The following NUBPL variants were observed in gnomAD, a reference collection of about 807,000 sequenced individuals.
The protein encoded by NUBPL is NUBP iron-sulfur cluster assembly factor, mitochondrial, also known as iron-sulfur cluster transfer protein NUBPL.
In NUBPL, 31 loss-of-function variants were observed where a neutral mutation model predicts 45.7. That is an observed-to-expected ratio of 0.68 (90% CI 0.51 to 0.92). The LOEUF (loss-of-function observed/expected upper bound fraction) is 0.92. NUBPL is among the 40% of genes least tolerant of loss of function. NUBPL has a pLI of 0.00. For missense variants in NUBPL, 401 were observed against 398.7 expected, an observed-to-expected ratio of 1.01 and a Z score of -0.05; for synonymous variants, 144 against 140.9, an observed-to-expected ratio of 1.02 and a Z score of -0.15.
At chr14:31,663,923 T>C (rs2036336511) in intron 4 of NUBPL, among the ~76,000 whole-genome samples, 2 of 152,146 alleles carry the variant, frequency 1.3e-5, no homozygotes, top group Admixed American at 1.3e-4. Flanking sequence ...TGAACAGTGG[T>C]TTGTAGTTCT....
Position 31,792,417 on chromosome 14 carries a change from T to A in NUBPL, c.607+4544T>A, listed in dbSNP as rs532375997. 2.0e-3 allele frequency among the ~76,000 whole-genome samples: 303 copies of A among 152,240 alleles called. 1 individual carries two copies. The highest frequency in any genetic ancestry group is 7.0e-3 in the African/African-American group (289 of 41,550). On this transcript the variant is annotated intron_variant, in intron 7 of 10. Coordinates refer to ENST00000281081, the MANE Select transcript of NUBPL (RefSeq NM_025152.3). ...ATTCTGGAAGTAGTCTAGAAGCAGT[T>A]TTCTTCATCTTTTAGGAGTATAGCC... is the stretch of plus-strand genomic sequence containing the variant.
At chr14:31,757,693 A>G (rs535376995) in intron 6 of NUBPL, among the ~76,000 whole-genome samples, 130 of 152,282 alleles carry the variant, frequency 8.5e-4, no homozygotes, top group African/African-American at 3.1e-3. Context: ...ATAGTACATG[A>G]GGGTTCATGT....
intron 4 of NUBPL, among the ~76,000 whole-genome samples, chr14:31,648,687 TGTGAACGAAGGAA>T (rs1205845014): frequency 1.3e-5 from 2 of 152,238 alleles, no homozygotes; most frequent in Non-Finnish European, 2.9e-5. Flanking sequence ...CACATTTGGT[TGTGAACGAAGGAA>T]AACCCAATGA....
intron 4 of NUBPL, among the ~76,000 whole-genome samples, chr14:31,622,453 G>A (rs1290335930): frequency 7.2e-5 from 11 of 152,014 alleles, no homozygotes; most frequent in Admixed American, 7.2e-4. Flanking sequence ...ACAATGGGGA[G>A]AATTTCTCCA....
At chr14:31,606,010 T>G (rs1420517685) in intron 4 of NUBPL, among the ~76,000 whole-genome samples, 8 of 148,046 alleles carry the variant, frequency 5.4e-5, no homozygotes, top group Admixed American at 5.4e-4. Flanking sequence ...CCTTCTTCCT[T>G]TTCTCCTCCC....
intron 6 of NUBPL, among the ~76,000 whole-genome samples, chr14:31,677,005 T>G (rs2036715616): frequency 6.6e-6 from 1 of 151,926 alleles, no homozygotes; most frequent in Non-Finnish European, 1.5e-5. Flanking sequence ...ATGATAAGAA[T>G]GTATTTATTT....
At position 31,859,129 on chromosome 14, in the gene NUBPL, C is replaced by G. The variant is rs2040672011; in HGVS notation, c.909C>G (p.Tyr303Ter). 2 of 1,613,678 alleles carry G rather than the reference C, an allele frequency of 1.2e-6. No individual in the cohort carries two copies. The highest frequency in any genetic ancestry group is 1.7e-6 in the Non-Finnish European group (2 of 1,179,824). The change falls in exon 11 of 11, where the codon TAC becomes TAG. Residue 303 changes from tyrosine (Y) to a stop codon, truncating the protein, a stop_gained. Transcript: ENST00000281081. LOFTEE classifies it high-confidence loss of function. ...TTGTTCTTTTCCAGGCCAAAGCTTA[C>G]TTGAGGATTGCTGTGGAAGTGGTAA... Reference protein sequence around the residue: ...SQPESDEAKAYLRIAVEVVRR... With the variant: ...SQPESDEAKA
chr14:31,640,134 C>T (rs753960858), intron 4 of NUBPL, among the ~76,000 whole-genome samples: 7 of 152,168 alleles, frequency 4.6e-5, no homozygotes, highest in African/African-American at 7.2e-5. Flanking sequence ...GAGATGAACC[C>T]GGTACCTCAG....
intron 4 of NUBPL, among the ~76,000 whole-genome samples, chr14:31,670,374 C>A (rs968509362): frequency 6.6e-6 from 1 of 152,136 alleles, no homozygotes. Context: ...TGATATCGGA[C>A]CTTTGTCAGA....
In NUBPL at chr14:31,565,043, G is replaced by A. The variant is rs886050449; in HGVS notation, c.286G>A (p.Asp96Asn). ...TCTTGCACTTGCACTAGCAGCGAAC[G>A]ATTCGGTAGGTGTTTATTAATAGAA... ...VNLALALAAN[D>N]SSKAIGLLDV... Residue 96 changes from aspartate (D) to asparagine (N), a missense_variant, in exon 3 of 11, where the codon GAT becomes AAT. Transcript: ENST00000281081. 12 of 1,538,376 alleles carry A rather than the reference G, an allele frequency of 7.8e-6. No homozygotes were observed. The highest frequency in any genetic ancestry group is 2.4e-5 in the South Asian group (2 of 82,164).
intron 3 of NUBPL, among the ~76,000 whole-genome samples, chr14:31,575,853 G>A (rs2033703363): frequency 6.6e-6 from 1 of 152,168 alleles, no homozygotes; most frequent in East Asian, 1.9e-4. Context: ...TTATTTTAAA[G>A]CTAGAGCAGA....
intron 6 of NUBPL, among the ~76,000 whole-genome samples, chr14:31,749,167 A>G (rs1220862104): frequency 6.6e-6 from 1 of 151,944 alleles, no homozygotes; most frequent in Non-Finnish European, 1.5e-5. Flanking sequence ...TATATTATTG[A>G]TTGTTTTTTG....
chr14:31,815,732 G>GT (rs34295540), intron 7 of NUBPL, among the ~76,000 whole-genome samples: 53,554 of 151,902 alleles, frequency 0.35, 10,153 homozygotes, highest in South Asian at 0.44. Context: ...TTTATTGAGC[G>GT]TTTTTAGCAT....
chr14:31,740,992 A>G (rs540983464), intron 6 of NUBPL, among the ~76,000 whole-genome samples: 2 of 152,140 alleles, frequency 1.3e-5, no homozygotes, highest in South Asian at 4.1e-4. Context: ...ATCTGTTTAC[A>G]TTATCTGTTG....
rs577114897 is a variant in NUBPL, at chr14:31,828,815, T to C, written c.693+2101T>C. On this transcript the variant is annotated intron_variant, in intron 8 of 10. Transcript: ENST00000281081. The stretch of plus-strand genomic sequence containing the variant: ...CTTAATCTCATACTGTTCTGACAGA[T>C]TTTTTCCTAAATTCTAAGACAGAGG... Among the ~76,000 whole-genome samples the C allele has an allele frequency of 5.3e-5, 8 of 152,280 alleles. No individual in the cohort carries two copies. In the South Asian group the frequency reaches 1.7e-3, roughly 32 times the overall value.
intron 3 of NUBPL, among the ~76,000 whole-genome samples, chr14:31,593,871 A>G (rs1595338146): frequency 6.6e-6 from 1 of 152,178 alleles, no homozygotes; most frequent in Non-Finnish European, 1.5e-5. Flanking sequence ...TGTGTTTAAG[A>G]AGCTGCAAGA....
chr14:31,656,600 G>A (rs890249209), intron 4 of NUBPL, among the ~76,000 whole-genome samples: 3 of 152,116 alleles, frequency 2.0e-5, no homozygotes, highest in Non-Finnish European at 4.4e-5. Flanking sequence ...GAGATAGGGG[G>A]ATGGGCTGGT....
intron 4 of NUBPL, among the ~76,000 whole-genome samples, chr14:31,603,989 T>C (rs2034515163): frequency 6.6e-6 from 1 of 152,118 alleles, no homozygotes; most frequent in Admixed American, 6.6e-5. Context: ...AATGGCAAAA[T>C]GGAGCCCTCA....
At chr14:31,624,518 G>A (rs944102988) in intron 4 of NUBPL, among the ~76,000 whole-genome samples, 7 of 152,058 alleles carry the variant, frequency 4.6e-5, no homozygotes, top group Non-Finnish European at 1.0e-4. Flanking sequence ...TCAACCAGAG[G>A]TGATTTTGAT....
Sources: gnomAD v4.1 joint callset for allele counts (sites outside exome capture counted in the v4.1 genomes callset) on GRCh38, gnomAD v4.1.1 for gene constraint, MANE v1.5 for transcripts, NCBI Gene and HGNC (gene_info 2026-07-23, HGNC 2026-07-21) for gene names.